ITIH5: variants seen among roughly 807,000 people sequenced by gnomAD.
ITIH5 encodes the protein inter-alpha-trypsin inhibitor heavy chain 5.
ITIH5 carries 65 observed loss-of-function variants against 77.5 expected under a neutral mutation model. The ratio of observed to expected loss-of-function variants is 0.84; its 90% CI spans 0.69 to 1.03. ITIH5 has a LOEUF of 1.03. Among genes scored for constraint, ITIH5 ranks in the 50% least tolerant of loss-of-function variants. The probability of loss-of-function intolerance (pLI) is 0.00; values close to 1 mark genes in which losing one functional copy is unlikely to be tolerated. For synonymous variants in ITIH5, 525 were observed against 494.3 expected, an observed-to-expected ratio of 1.06 and a Z score of -0.82; for missense variants, 1,208 against 1,213.1, an observed-to-expected ratio of 1.00 and a Z score of 0.06.
chr10:7,660,386 A>G (rs949511143), intron 1 of ITIH5, among the ~76,000 whole-genome samples: 48 of 152,276 alleles, frequency 3.2e-4, no homozygotes, highest in African/African-American at 1.2e-3. Context: ...CAACACAGGA[A>G]CAATCCTCAG....
Sources: allele counts gnomAD v4.1 joint callset (sites outside exome capture counted in the v4.1 genomes callset), GRCh38; gene constraint gnomAD v4.1.1; transcripts MANE v1.5; gene names NCBI Gene and HGNC (gene_info 2026-07-23, HGNC 2026-07-21).